The following HS6ST3 variants were observed in gnomAD, a reference collection of about 807,000 sequenced individuals.
HS6ST3 encodes heparan sulfate 6-O-sulfotransferase 3.
In HS6ST3, 12 loss-of-function variants were observed where a neutral mutation model predicts 36.7. The observed-to-expected ratio is 0.33, with a 90% CI of 0.21 to 0.53. HS6ST3 has a LOEUF of 0.53. Among genes scored for constraint, HS6ST3 ranks in the 20% least tolerant of loss-of-function variants. The pLI, the probability that HS6ST3 is intolerant of heterozygous loss-of-function variation, is 0.95. For missense variants in HS6ST3, 584 were observed against 640.9 expected, an observed-to-expected ratio of 0.91 and a Z score of 0.96; for synonymous variants, 240 against 257.5, an observed-to-expected ratio of 0.93 and a Z score of 0.65.
intron 1 of HS6ST3, among the ~76,000 whole-genome samples, chr13:96,767,422 T>A (rs765511275): frequency 6.6e-6 from 1 of 152,156 alleles, no homozygotes; most frequent in African/African-American, 2.4e-5. Flanking sequence ...TACCACTGGT[T>A]TGGAAAAGTG....
intron 1 of HS6ST3, among the ~76,000 whole-genome samples, chr13:96,326,511 C>A (rs1313060968): frequency 6.6e-6 from 1 of 152,090 alleles, no homozygotes; most frequent in Admixed American, 6.5e-5. Context: ...ATGAACTCAT[C>A]ATTTTTCATG....
chr13:96,715,657 A>G (rs188110551), intron 1 of HS6ST3, among the ~76,000 whole-genome samples: 1 of 152,226 alleles, frequency 6.6e-6, no homozygotes, highest in African/African-American at 2.4e-5. Flanking sequence ...CCCTATCTCT[A>G]GTTAAGCTGA....
At chr13:96,537,558 ATTTG>A (rs2056160802) in intron 1 of HS6ST3, among the ~76,000 whole-genome samples, 1 of 152,218 alleles carries the variant, frequency 6.6e-6, no homozygotes, top group East Asian at 1.9e-4. Flanking sequence ...TCTTACATGC[ATTTG>A]TTTCTTTCCC....
chr13:96,728,982 C>T (rs774567195), intron 1 of HS6ST3, among the ~76,000 whole-genome samples: 4 of 151,948 alleles, frequency 2.6e-5, no homozygotes, highest in Admixed American at 6.6e-5. Context: ...TGATATGTGC[C>T]CAACCAAGCA....
chr13:96,353,983 AATGAAATATTCCTTGATGTTT>A (rs1399152569), intron 1 of HS6ST3, among the ~76,000 whole-genome samples: 3 of 152,150 alleles, frequency 2.0e-5, no homozygotes, highest in African/African-American at 7.2e-5. Flanking sequence ...TATCTCTCAA[AATGAAATATTCCTTGATGTTT>A]TGACCCACTA....
chr13:96,777,949 C>G (rs147283951), intron 1 of HS6ST3, among the ~76,000 whole-genome samples: 2,769 of 152,258 alleles, frequency 0.018, 81 homozygotes, highest in African/African-American at 0.063. Flanking sequence ...GTAACCAAAA[C>G]AGCATGGTAC....
chr13:96,567,595 A>G (rs926959416), intron 1 of HS6ST3, among the ~76,000 whole-genome samples: 4 of 152,322 alleles, frequency 2.6e-5, no homozygotes, highest in Admixed American at 2.6e-4. Flanking sequence ...AAGAACTGTC[A>G]TCTTAAGACA....
intron 1 of HS6ST3, among the ~76,000 whole-genome samples, chr13:96,671,640 C>G (rs1475861169): frequency 6.6e-6 from 1 of 152,092 alleles, no homozygotes; most frequent in African/African-American, 2.4e-5. Context: ...GGCCCCTCTC[C>G]TTGACTTACA....
At chr13:96,609,261 CGGCCGGCCTCTTTT>C (rs1317856409) in intron 1 of HS6ST3, among the ~76,000 whole-genome samples, 1 of 152,026 alleles carries the variant, frequency 6.6e-6, no homozygotes, top group African/African-American at 2.4e-5. Flanking sequence ...TGAGCCACCA[CGGCCGGCCTCTTTT>C]ATTTTAAAAT....
At chr13:96,273,981 C>T (rs1479598651) in intron 1 of HS6ST3, among the ~76,000 whole-genome samples, 2 of 133,110 alleles carry the variant, frequency 1.5e-5, no homozygotes, top group Non-Finnish European at 3.2e-5. Context: ...CCCTCCCCTC[C>T]TCCTCCCCCC....
At position 96,763,635 on chromosome 13, in the gene HS6ST3, G is replaced by A. The variant is rs188143047; in HGVS notation, c.708-68855G>A. Among the ~76,000 whole-genome samples the A allele has an allele frequency of 4.6e-5, 7 of 152,040 alleles. No homozygotes were observed. In the South Asian group the frequency reaches 1.5e-3, roughly 32 times the overall value. On this transcript the variant is annotated intron_variant, in intron 1 of 1. Coordinates refer to ENST00000376705, the MANE Select transcript of HS6ST3 (RefSeq NM_153456.4). Reference sequence around the variant, plus strand: ...CTAACTGCATCGAGTTCAAATCCTGGCTTCACTATTAGGAGCTCAATGGCT... The same window carrying A: ...CTAACTGCATCGAGTTCAAATCCTGACTTCACTATTAGGAGCTCAATGGCT...
chr13:96,143,174 G>A (rs910939791), intron 1 of HS6ST3, among the ~76,000 whole-genome samples: 2 of 151,858 alleles, frequency 1.3e-5, no homozygotes, highest in African/African-American at 4.8e-5. Flanking sequence ...GCCATCAAAT[G>A]CCTCACTATC....
intron 1 of HS6ST3, among the ~76,000 whole-genome samples, chr13:96,519,731 A>G (rs1225337814): frequency 6.6e-6 from 1 of 152,200 alleles, no homozygotes; most frequent in Non-Finnish European, 1.5e-5. Context: ...ACTTAAAGGG[A>G]ATTACTTAAC....
intron 1 of HS6ST3, among the ~76,000 whole-genome samples, chr13:96,709,407 C>T (rs1875507267): frequency 6.6e-6 from 1 of 152,214 alleles, no homozygotes; most frequent in African/African-American, 2.4e-5. Flanking sequence ...TCTTATTCAT[C>T]TTTGCGTCCT....
intron 1 of HS6ST3, among the ~76,000 whole-genome samples, chr13:96,301,111 G>A (rs1725826757): frequency 6.6e-6 from 1 of 152,062 alleles, no homozygotes; most frequent in Admixed American, 6.6e-5. Flanking sequence ...CAAGATGTAT[G>A]GTCATCTCTG....
intron 1 of HS6ST3, among the ~76,000 whole-genome samples, chr13:96,621,606 T>C (rs1361909519): frequency 2.6e-5 from 4 of 152,186 alleles, no homozygotes; most frequent in East Asian, 1.9e-4. Context: ...ACTGACCTTC[T>C]TCAAGGTGCT....
At chr13:96,503,615 A>G (rs2056014442) in intron 1 of HS6ST3, among the ~76,000 whole-genome samples, 1 of 152,118 alleles carries the variant, frequency 6.6e-6, no homozygotes, top group Admixed American at 6.6e-5. Context: ...ATGGGGGAGA[A>G]TGAGCATGTT....
intron 1 of HS6ST3, among the ~76,000 whole-genome samples, chr13:96,459,033 A>G (rs1430291002): frequency 2.1e-5 from 3 of 144,072 alleles, no homozygotes; most frequent in Admixed American, 7.2e-5. Flanking sequence ...GAACTCTGGA[A>G]GTGGAGGTTG....
intron 1 of HS6ST3, among the ~76,000 whole-genome samples, chr13:96,725,615 G>A (rs1057286949): frequency 2.6e-5 from 4 of 151,886 alleles, no homozygotes; most frequent in African/African-American, 9.7e-5. Context: ...TTTGCATAGG[G>A]ATATCCAATT....
Sources: gnomAD v4.1 joint callset for allele counts (sites outside exome capture counted in the v4.1 genomes callset) on GRCh38, gnomAD v4.1.1 for gene constraint, MANE v1.5 for transcripts, NCBI Gene and HGNC (gene_info 2026-07-23, HGNC 2026-07-21) for gene names.